The following CNOT2 variants were observed in gnomAD, a reference collection of about 807,000 sequenced individuals.
CNOT2 encodes the protein CC chemokine receptor 4-negative regulator of transcription 2.
A neutral mutation model predicts 72.1 loss-of-function variants in CNOT2; 7 were observed. The ratio of observed to expected loss-of-function variants is 0.10; its 90% confidence interval spans 0.06 to 0.18. The LOEUF (loss-of-function observed/expected upper bound fraction) is 0.18, where lower values mean the gene tolerates loss of function less well. CNOT2 is among the 10% of genes least tolerant of loss of function. CNOT2 has a pLI of 1.00. For missense variants in CNOT2, 345 were observed against 660.3 expected (o/e 0.52, Z 5.23); for synonymous variants, 196 against 225.6 (o/e 0.87, Z 1.17).
At chr12:70,268,419 C>T (rs886238643) in intron 1 of CNOT2, among the ~76,000 whole-genome samples, 1 of 152,030 alleles carries the variant, frequency 6.6e-6, no homozygotes, top group African/African-American at 2.4e-5. Flanking sequence ...GGTGGTTTTT[C>T]TTATCAAAGG....
At chr12:70,349,840 A>AAG (rs1327171050) in intron 15 of CNOT2, among the ~76,000 whole-genome samples, 7 of 151,296 alleles carry the variant, frequency 4.6e-5, no homozygotes, top group South Asian at 2.1e-4. Flanking sequence ...TCTCTATAGA[A>AAG]AGAGAGAGAG....
intron 1 of CNOT2, among the ~76,000 whole-genome samples, chr12:70,247,288 C>T (rs1957925152): frequency 6.6e-6 from 1 of 151,982 alleles, no homozygotes; most frequent in Non-Finnish European, 1.5e-5. Context: ...CCTCAGCCTC[C>T]TGAGTAGCTG....
At chr12:70,345,275 A>G (rs954818480) in intron 14 of CNOT2, 4 of 152,176 alleles carry the variant, frequency 2.6e-5, no homozygotes, top group African/African-American at 9.6e-5. Flanking sequence ...AATAGTTTAA[A>G]GTATATAATT....
chr12:70,339,252 C>T (rs1050694549), intron 11 of CNOT2, among the ~76,000 whole-genome samples: 1 of 151,952 alleles, frequency 6.6e-6, no homozygotes, highest in African/African-American at 2.4e-5. Flanking sequence ...ATTTTAAAAT[C>T]TGAGCTCGCA....
chr12:70,251,065 T>A (rs889177835), intron 1 of CNOT2, among the ~76,000 whole-genome samples: 1 of 152,020 alleles, frequency 6.6e-6, no homozygotes, highest in Admixed American at 6.5e-5. Context: ...ACTGAAAACT[T>A]TCCTTAATTC....
In CNOT2 at chr12:70,311,434, T is replaced by C. The variant is rs1381473533; in HGVS notation, c.171+417T>C. 3.9e-5 allele frequency among the ~76,000 whole-genome samples: 6 copies of C among 152,030 alleles called. No homozygotes were observed. The East Asian group carries it at 1.2e-3, about 29-fold the overall frequency. ...CTGTAATAAAACTTTATGCTTATTG[T>C]GTCATCTAGCTGTAATTCTGGACCT... On this transcript the variant is annotated intron_variant, in intron 3 of 15. Coordinates refer to ENST00000229195, the MANE Select transcript of CNOT2 (RefSeq NM_014515.7).
intron 11 of CNOT2, among the ~76,000 whole-genome samples, chr12:70,340,283 C>T (rs1249997514): frequency 6.6e-6 from 1 of 152,138 alleles, no homozygotes; most frequent in Non-Finnish European, 1.5e-5. Flanking sequence ...AATTTGAGAG[C>T]ACCATTTTTA....
At chr12:70,296,524 A>G (rs972704493) in intron 2 of CNOT2, among the ~76,000 whole-genome samples, 2 of 152,154 alleles carry the variant, frequency 1.3e-5, no homozygotes, top group Non-Finnish European at 2.9e-5. Flanking sequence ...AAATTTATCT[A>G]TATCTTCACT....
chr12:70,243,051 C>A (rs1326709064), upstream of CNOT2: 5 of 152,504 alleles, frequency 3.3e-5, no homozygotes, highest in African/African-American at 1.2e-4. Flanking sequence ...GGAGGGCGGA[C>A]TGAAGCCACC....
intron 6 of CNOT2, chr12:70,331,226 A>C (rs1201850947): frequency 6.6e-6 from 1 of 151,918 alleles, no homozygotes; most frequent in African/African-American, 2.4e-5. Flanking sequence ...TACCTGTTTG[A>C]TTCACTTTAT....
intron 4 of CNOT2, among the ~76,000 whole-genome samples, chr12:70,328,244 G>A (rs569488722): frequency 4.0e-5 from 6 of 151,846 alleles, no homozygotes; most frequent in Admixed American, 3.9e-4. Context: ...TTAAGATAAC[G>A]ATCAGTGAGA....
At chr12:70,282,114 A>G (rs1427785415) in intron 2 of CNOT2, among the ~76,000 whole-genome samples, 5 of 152,186 alleles carry the variant, frequency 3.3e-5, no homozygotes, top group South Asian at 2.1e-4. Flanking sequence ...TGTTGTTCCA[A>G]TAAAATTAAA....
chr12:70,278,178 A>C lies in CNOT2; in HGVS notation c.-49A>C. ...CTTCCTGTGACACGACCCTTGAGTG[A>C]CAGTTCTATTTGATTGCCTCCGGTA... On this transcript the variant is annotated 5_prime_UTR_variant, in exon 2 of 16. Transcript: ENST00000229195. 1 of 1,428,814 alleles carries C rather than the reference A, an allele frequency of 7.0e-7. No individual in the cohort carries two copies. Among genetic ancestry groups the C allele is most frequent in the Non-Finnish European group, 9.9e-7 (1 of 1,014,560 alleles). 88.5% of individuals were successfully genotyped at this position (1,428,814 alleles called of 1,614,324 possible).
At chr12:70,250,488 C>G (rs554995557) in intron 1 of CNOT2, among the ~76,000 whole-genome samples, 31 of 151,970 alleles carry the variant, frequency 2.0e-4, no homozygotes, top group Non-Finnish European at 4.0e-4. Flanking sequence ...TGACGGTGAT[C>G]CAGACAAGTC....
At chr12:70,351,030 T>C (rs1882798562) in intron 15 of CNOT2, among the ~76,000 whole-genome samples, 1 of 152,210 alleles carries the variant, frequency 6.6e-6, no homozygotes, top group African/African-American at 2.4e-5. Context: ...ATTTTATTAA[T>C]AGAAGAACTA....
intron 2 of CNOT2, among the ~76,000 whole-genome samples, chr12:70,304,863 C>T (rs1874930267): frequency 6.6e-6 from 1 of 152,230 alleles, no homozygotes; most frequent in Non-Finnish European, 1.5e-5. Flanking sequence ...CTACTCAAGC[C>T]TTGGCAATGG....
At chr12:70,319,264 T>G (rs747665573) in intron 3 of CNOT2, 34 bp from the exon 4 acceptor site, 12 of 1,587,314 alleles carry the variant, frequency 7.6e-6, no homozygotes, top group Non-Finnish European at 1.0e-5. Flanking sequence ...TGCTCTGTTT[T>G]CTTTATGCTC....
At chr12:70,246,998 T>C (rs1565719499) in intron 1 of CNOT2, among the ~76,000 whole-genome samples, 1 of 152,098 alleles carries the variant, frequency 6.6e-6, no homozygotes, top group Non-Finnish European at 1.5e-5. Flanking sequence ...ACATATAATA[T>C]GGAAATACAA....
chr12:70,259,318 T>G (rs1958625186), intron 1 of CNOT2, among the ~76,000 whole-genome samples: 1 of 152,056 alleles, frequency 6.6e-6, no homozygotes, highest in Non-Finnish European at 1.5e-5. Flanking sequence ...AGGGCTTATT[T>G]TTTTTTAATA....
Sources: gnomAD v4.1 joint callset for allele counts (sites outside exome capture counted in the v4.1 genomes callset) on GRCh38, gnomAD v4.1.1 for gene constraint, MANE v1.5 for transcripts, NCBI Gene and HGNC (gene_info 2026-07-23, HGNC 2026-07-21) for gene names.